DIP2C: variants seen among roughly 807,000 people sequenced by gnomAD.
The protein encoded by DIP2C is disco-interacting protein 2 homolog C.
Under a neutral mutation model 192.4 loss-of-function variants are expected in DIP2C, and 33 were observed. That is an observed-to-expected ratio of 0.17 (90% CI 0.13 to 0.23). The LOEUF (loss-of-function observed/expected upper bound fraction) is 0.23, where lower values mean the gene tolerates loss of function less well. Among genes scored for constraint, DIP2C ranks in the 10% least tolerant of loss-of-function variants. The pLI is 1.00. For missense variants in DIP2C, 1,537 were observed against 2,110.1 expected (o/e 0.73, Z 5.32); for synonymous variants, 979 against 864.1 (o/e 1.13, Z -2.33).
At chr10:281,764 A>G (rs1242684230) in intron 35 of DIP2C, among the ~76,000 whole-genome samples, 2 of 152,202 alleles carry the variant, frequency 1.3e-5, no homozygotes, top group Non-Finnish European at 1.5e-5. Context: ...TATCCCACAC[A>G]TGCTTCTCTG....
intron 1 of DIP2C, among the ~76,000 whole-genome samples, chr10:571,425 C>T (rs1588485594): frequency 1.3e-5 from 2 of 152,114 alleles, no homozygotes; most frequent in Admixed American, 6.5e-5. Context: ...GCTCATTTCC[C>T]AGGCTCCTGC....
chr10:410,776 G>C (rs956875142), intron 8 of DIP2C, among the ~76,000 whole-genome samples: 5 of 151,912 alleles, frequency 3.3e-5, no homozygotes, highest in Non-Finnish European at 5.9e-5. Flanking sequence ...GTTAACAATA[G>C]AGAGTTTGAT....
intron 1 of DIP2C, among the ~76,000 whole-genome samples, chr10:622,840 G>C (rs988328195): frequency 2.6e-5 from 4 of 152,172 alleles, no homozygotes; most frequent in Non-Finnish European, 5.9e-5. Context: ...GAAACTACTA[G>C]ATCAAGAGCT....
intron 24 of DIP2C, among the ~76,000 whole-genome samples, chr10:354,466 TTCC>T (rs1482389017): frequency 1.3e-5 from 2 of 152,152 alleles, no homozygotes. Flanking sequence ...CAGCTCTATT[TTCC>T]TCCTCCTGAT....
intron 1 of DIP2C, among the ~76,000 whole-genome samples, chr10:659,256 G>GCA (rs1055393966): frequency 6.6e-6 from 1 of 151,986 alleles, no homozygotes; most frequent in African/African-American, 2.4e-5. Flanking sequence ...TGTAACACAT[G>GCA]CACACACATA....
At chr10:416,999 A>G (rs765283486) in intron 6 of DIP2C, among the ~76,000 whole-genome samples, 1 of 152,258 alleles carries the variant, frequency 6.6e-6, no homozygotes, top group Non-Finnish European at 1.5e-5. Flanking sequence ...TTTAATAGGT[A>G]GTCTCAAAAT....
At chr10:514,977 AAAC>A (rs1197572838) in intron 1 of DIP2C, among the ~76,000 whole-genome samples, 16 of 152,216 alleles carry the variant, frequency 1.1e-4, no homozygotes, top group African/African-American at 3.1e-4. Flanking sequence ...TACAAGCTAA[AAAC>A]AATTTTTACG....
chr10:369,632 G>A lies in DIP2C; in HGVS notation c.1993C>T (p.Pro665Ser), dbSNP rs1412430347. The change falls in exon 18 of 37, where the codon CCC becomes TCC. Residue 665 changes from proline (P) to serine (S), a missense_variant and splice_region_variant. Coordinates refer to ENST00000280886, the MANE Select transcript of DIP2C (RefSeq NM_014974.3). ...GGGGGCTGGTTACTGTCATCCGTGG[G>A]CCTGTAATGACAGTTTTTAACTTGA... ...PEALTVAIRR[P>S]TDDSNQPPGR... 6 of 1,614,096 alleles carry A rather than the reference G, an allele frequency of 3.7e-6. No individual in the cohort carries two copies. The highest frequency in any genetic ancestry group is 4.2e-6 in the Non-Finnish European group (5 of 1,180,008).
Position 384,039 on chromosome 10 carries a change from C to A in DIP2C, c.1864G>T (p.Gly622Cys). The A allele has an allele frequency of 3.1e-6, 5 of 1,602,342 alleles. No homozygotes were observed. Among genetic ancestry groups the A allele is most frequent in the East Asian group, 2.3e-5 (1 of 43,998 alleles). ...SSLRMLIVADGANPWSISSCD... is the reference protein window; with the variant it reads ...SSLRMLIVADCANPWSISSCD... ...GCTCCTCACTTACAGGGGTTCGCGC[C>A]GTCCGCCACTATCAGCATTCGCAGA... Residue 622 changes from glycine to cysteine, a missense_variant, in exon 16 of 37, where the codon GGC becomes TGC. Coordinates refer to ENST00000280886, the MANE Select transcript of DIP2C (RefSeq NM_014974.3).
chr10:305,341 C>A (rs1418160785), intron 32 of DIP2C, among the ~76,000 whole-genome samples: 1 of 152,198 alleles, frequency 6.6e-6, no homozygotes, highest in East Asian at 1.9e-4. Flanking sequence ...CACTGAGACA[C>A]ACACACAAGG....
intron 1 of DIP2C, among the ~76,000 whole-genome samples, chr10:513,758 TA>T (rs1319098623): frequency 6.6e-6 from 1 of 152,222 alleles, no homozygotes; most frequent in Non-Finnish European, 1.5e-5. Context: ...CTCACGATTG[TA>T]ACTGGTAGAA....
chr10:498,489 C>G (rs768039334), intron 1 of DIP2C, among the ~76,000 whole-genome samples: 180 of 152,086 alleles, frequency 1.2e-3, no homozygotes, highest in Non-Finnish European at 2.1e-3. Context: ...GCTGACAGAC[C>G]CCACCAGGAC....
chr10:296,388 A>G (rs1233075687), intron 32 of DIP2C, among the ~76,000 whole-genome samples: 2 of 146,262 alleles, frequency 1.4e-5, no homozygotes, highest in African/African-American at 2.5e-5. Flanking sequence ...TCAGGAAACA[A>G]CAGGTGCTGG....
intron 1 of DIP2C, among the ~76,000 whole-genome samples, chr10:647,336 T>G (rs922617031): frequency 6.7e-6 from 1 of 148,940 alleles, no homozygotes; most frequent in Non-Finnish European, 1.5e-5. Flanking sequence ...AGAGGGAAAC[T>G]GAGTCCACGT....
intron 1 of DIP2C, among the ~76,000 whole-genome samples, chr10:674,139 C>T (rs948464501): frequency 6.6e-6 from 1 of 152,092 alleles, no homozygotes; most frequent in Non-Finnish European, 1.5e-5. Context: ...TAACCCCAAG[C>T]ACCCCAATTA....
At chr10:512,564 G>A (rs565136029) in intron 1 of DIP2C, among the ~76,000 whole-genome samples, 4 of 152,156 alleles carry the variant, frequency 2.6e-5, no homozygotes, top group Non-Finnish European at 4.4e-5. Flanking sequence ...CAGCCTGGGC[G>A]ACAGAGTGAG....
chr10:616,006 T>C lies in DIP2C; in HGVS notation c.85+73488A>G, dbSNP rs1564273350. 2.0e-5 allele frequency among the ~76,000 whole-genome samples: 3 copies of C among 152,188 alleles called. No homozygotes were observed. In the South Asian group the frequency reaches 6.2e-4, roughly 32 times the overall value. Reference sequence around the variant, plus strand: ...ATAGACAAACTCAGTGCTGCATTTTTCCACATTTATCACCCTTTTGTTTTA... The same window carrying C: ...ATAGACAAACTCAGTGCTGCATTTTCCCACATTTATCACCCTTTTGTTTTA... On this transcript the variant is annotated intron_variant, in intron 1 of 36. Transcript: ENST00000280886.
At chr10:434,798 A>G (rs536964197) in intron 4 of DIP2C, among the ~76,000 whole-genome samples, 1 of 152,184 alleles carries the variant, frequency 6.6e-6, no homozygotes, top group African/African-American at 2.4e-5. Context: ...ATTTCACTCT[A>G]CTTCTTGCTT....
At chr10:346,610 CGCATAGTTCTCCCGGGA>C (rs1958480458) in intron 26 of DIP2C, among the ~76,000 whole-genome samples, 1 of 144,000 alleles carries the variant, frequency 6.9e-6, no homozygotes, top group African/African-American at 2.6e-5. Flanking sequence ...AGACACACCG[CGCATAGTTCTCCCGGGA>C]ACCCCACACT....
Sources: allele counts gnomAD v4.1 joint callset (sites outside exome capture counted in the v4.1 genomes callset), GRCh38; gene constraint gnomAD v4.1.1; transcripts MANE v1.5; gene names NCBI Gene and HGNC (gene_info 2026-07-23, HGNC 2026-07-21).